The following SRGAP1 variants were observed in gnomAD, a reference collection of about 807,000 sequenced individuals.
The protein encoded by SRGAP1 is SLIT-ROBO Rho GTPase-activating protein 1.
In SRGAP1, 43 loss-of-function variants were observed where a neutral mutation model predicts 121.9. The ratio of observed to expected loss-of-function variants is 0.35; its 90% confidence interval spans 0.28 to 0.46. The LOEUF (loss-of-function observed/expected upper bound fraction) is 0.46. Among genes scored for constraint, SRGAP1 ranks in the 20% least tolerant of loss-of-function variants. The pLI, the probability that SRGAP1 is intolerant of heterozygous loss-of-function variation, is 1.00. For missense variants in SRGAP1, 1,102 were observed against 1,350.9 expected, an observed-to-expected ratio of 0.82 and a Z score of 2.89; for synonymous variants, 447 against 485.4, an observed-to-expected ratio of 0.92 and a Z score of 1.04.
intron 1 of SRGAP1, among the ~76,000 whole-genome samples, chr12:63,876,319 A>G (rs1253971797): frequency 6.6e-6 from 1 of 152,202 alleles, no homozygotes; most frequent in African/African-American, 2.4e-5. Context: ...TTGAAATATC[A>G]TAGGATAGAA....
chr12:64,079,294 A>T (rs993973126), intron 9 of SRGAP1, among the ~76,000 whole-genome samples, 178 bp downstream of exon 9: 7 of 151,862 alleles, frequency 4.6e-5, no homozygotes, highest in Non-Finnish European at 8.8e-5. Flanking sequence ...TTTAGGAGTT[A>T]GTTAGTTAGG....
rs1271659128 is a variant in SRGAP1 at position 64,142,311 on chromosome 12, T to C, written c.2897T>C (p.Met966Thr). The change falls in exon 22 of 22, where the codon ATG (methionine) becomes ACG (threonine). Residue 966 changes from methionine (M) to threonine (T), a missense_variant. Met to Thr is a moderately conservative substitution (Grantham distance 81). Around this residue, in one of 3 missense-constraint regions of SRGAP1, gnomAD observed 315 missense variants for 343.1 expected, o/e 0.92. Coordinates refer to ENST00000355086, the MANE Select transcript of SRGAP1 (RefSeq NM_020762.4). Reference protein sequence around the residue: ...ETIAQDIEETMNTALNELREL... With the variant: ...ETIAQDIEETTNTALNELREL... ...CTTCAATAGGATATTGAAGAAACGA[T>C]GAACACAGCTTTGAATGAACTCCGA... 1.2e-6 allele frequency: 2 copies of C among 1,613,400 alleles called. No homozygotes were observed. Among genetic ancestry groups the C allele is most frequent in the Non-Finnish European group, 1.7e-6 (2 of 1,179,436 alleles).
At chr12:64,105,311 C>T in intron 15 of SRGAP1, among the ~76,000 whole-genome samples, 1 of 152,108 alleles carries the variant, frequency 6.6e-6, no homozygotes, top group Admixed American at 6.6e-5. Context: ...ACTCATCTGT[C>T]GATGAACATT....
chr12:64,141,855 C>T (rs929347741), intron 21 of SRGAP1, among the ~76,000 whole-genome samples: 1 of 151,794 alleles, frequency 6.6e-6, no homozygotes, highest in Non-Finnish European at 1.5e-5. Context: ...GGAGGCTACT[C>T]AGGAGGTAGC....
At chr12:64,138,047 T>G (rs1265940964) in intron 21 of SRGAP1, among the ~76,000 whole-genome samples, 1 of 151,752 alleles carries the variant, frequency 6.6e-6, no homozygotes, top group African/African-American at 2.4e-5. Context: ...TATATTCACA[T>G]TGTTGTGAAA....
chr12:63,858,808 T>C (rs993963860), intron 1 of SRGAP1, among the ~76,000 whole-genome samples: 2 of 152,198 alleles, frequency 1.3e-5, no homozygotes, highest in African/African-American at 4.8e-5. Context: ...GTTCAAGCGA[T>C]TCTCCTGCCT....
In SRGAP1 at chr12:64,095,211, G is replaced by A. The variant is rs1426482485; in HGVS notation, c.1678+7G>A. ...AAAAATTCATTTGAGAGAGGTAATT[G>A]CACGTCTATCCCTATAAGCAAACCA... On this transcript the variant is annotated splice_region_variant and intron_variant, in intron 14 of 21. Transcript: ENST00000355086. 5 of 1,612,546 alleles carry A rather than the reference G, an allele frequency of 3.1e-6. No homozygotes were observed. In the Admixed American group the frequency reaches 8.3e-5, roughly 27 times the overall value.
At chr12:63,852,451 G>C (rs528656830) in intron 1 of SRGAP1, among the ~76,000 whole-genome samples, 14 of 152,242 alleles carry the variant, frequency 9.2e-5, no homozygotes, top group Admixed American at 2.6e-4. Context: ...GAGTGGAGTG[G>C]GTTTCATGGT....
chr12:63,870,039 A>C (rs1010096879), intron 1 of SRGAP1, among the ~76,000 whole-genome samples: 1 of 152,214 alleles, frequency 6.6e-6, no homozygotes, highest in African/African-American at 2.4e-5. Context: ...CTACATCAGG[A>C]TGCCACCTTA....
chr12:64,085,564 T>G (rs1038993294), intron 10 of SRGAP1, among the ~76,000 whole-genome samples: 16 of 152,118 alleles, frequency 1.1e-4, no homozygotes, highest in African/African-American at 3.9e-4. Flanking sequence ...GCTCTAACCC[T>G]GTATAGCCAG....
chr12:64,060,533 C>T (rs907139423), intron 6 of SRGAP1, among the ~76,000 whole-genome samples: 13 of 152,132 alleles, frequency 8.5e-5, no homozygotes, highest in African/African-American at 3.1e-4. Flanking sequence ...TAACAAGCCC[C>T]TGGTGATGCC....
chr12:63,939,166 C>T (rs1385089432), intron 1 of SRGAP1, among the ~76,000 whole-genome samples: 1 of 150,022 alleles, frequency 6.7e-6, no homozygotes, highest in African/African-American at 2.5e-5. Context: ...GTCTAGAAAA[C>T]AAAAAATTCT....
At chr12:64,093,177 A>G (rs535535038) in intron 12 of SRGAP1, among the ~76,000 whole-genome samples, 1 of 152,278 alleles carries the variant, frequency 6.6e-6, no homozygotes, top group East Asian at 1.9e-4. Flanking sequence ...TGAATGATAG[A>G]TGGAATGCAC....
chr12:63,907,913 T>C (rs1221714414), intron 1 of SRGAP1, among the ~76,000 whole-genome samples: 2 of 152,238 alleles, frequency 1.3e-5, no homozygotes. Context: ...ATTCACTTTT[T>C]TGCATGTGGA....
chr12:63,948,585 TA>T (rs530698187), intron 1 of SRGAP1, among the ~76,000 whole-genome samples: 84 of 152,128 alleles, frequency 5.5e-4, no homozygotes, highest in African/African-American at 2.0e-3. Context: ...TGCATCTTTT[TA>T]TATTTCATAT....
chr12:64,009,416 C>T (rs2034187364), intron 3 of SRGAP1, among the ~76,000 whole-genome samples: 1 of 152,134 alleles, frequency 6.6e-6, no homozygotes, highest in Non-Finnish European at 1.5e-5. Context: ...GTTTCATCTA[C>T]TTTATTTCCT....
At chr12:64,045,364 T>G (rs2035108528) in intron 6 of SRGAP1, among the ~76,000 whole-genome samples, 2 of 152,128 alleles carry the variant, frequency 1.3e-5, no homozygotes, top group South Asian at 4.1e-4. Context: ...ATAAAAGAAC[T>G]AATATTCTTT....
intron 1 of SRGAP1, among the ~76,000 whole-genome samples, chr12:63,880,919 C>A (rs192756219): frequency 8.5e-5 from 13 of 152,298 alleles, no homozygotes; most frequent in Non-Finnish European, 4.4e-5. Flanking sequence ...GTCTCACCAG[C>A]CTTCCTTTAT....
At chr12:63,861,793 C>G (rs1422869323) in intron 1 of SRGAP1, among the ~76,000 whole-genome samples, 1 of 151,978 alleles carries the variant, frequency 6.6e-6, no homozygotes, top group Non-Finnish European at 1.5e-5. Flanking sequence ...TTGAAACCAG[C>G]CTGGGCAACA....
Sources: allele counts gnomAD v4.1 joint callset (sites outside exome capture counted in the v4.1 genomes callset), GRCh38; gene constraint gnomAD v4.1.1; regional missense constraint gnomAD v4.1.1; transcripts MANE v1.5; gene names NCBI Gene and HGNC (gene_info 2026-07-23, HGNC 2026-07-21).